SLC30A8: variants seen among roughly 807,000 people sequenced by gnomAD.
The protein encoded by SLC30A8 is solute carrier family 30 member 8, also known as proton-coupled zinc antiporter SLC30A8.
In SLC30A8, 27 loss-of-function variants were observed where a neutral mutation model predicts 36.9. That is an observed-to-expected ratio of 0.73 (90% CI 0.54 to 1.01). The LOEUF (loss-of-function observed/expected upper bound fraction) is 1.01. SLC30A8 is among the 50% of genes least tolerant of loss of function. The pLI is 0.00. For missense variants in SLC30A8, 439 were observed against 452.0 expected, an observed-to-expected ratio of 0.97 and a Z score of 0.26; for synonymous variants, 164 against 172.4, an observed-to-expected ratio of 0.95 and a Z score of 0.38.
intron 1 of SLC30A8, among the ~76,000 whole-genome samples, chr8:117,013,111 A>G (rs889946394): frequency 1.3e-5 from 2 of 152,170 alleles, no homozygotes; most frequent in Admixed American, 1.3e-4. Flanking sequence ...TGAGAATTCA[A>G]TTGTGTGAAG....
chr8:116,999,584 A>G (rs1476596245), intron 1 of SLC30A8, among the ~76,000 whole-genome samples: 1 of 152,230 alleles, frequency 6.6e-6, no homozygotes, highest in Non-Finnish European at 1.5e-5. Context: ...AAGAAAAACC[A>G]ATGGAATCAG....
intron 1 of SLC30A8, among the ~76,000 whole-genome samples, chr8:116,987,900 T>C (rs1005834750): frequency 1.3e-5 from 2 of 152,202 alleles, no homozygotes; most frequent in African/African-American, 4.8e-5. Flanking sequence ...GGTTTTACCA[T>C]GTTGGCCAGG....
intron 1 of SLC30A8, among the ~76,000 whole-genome samples, chr8:116,998,969 AAACT>A (rs1441040311): frequency 6.6e-6 from 1 of 152,216 alleles, no homozygotes; most frequent in Admixed American, 6.5e-5. Context: ...CAGCCCTAAG[AAACT>A]AACATATGGG....
At chr8:117,123,280 A>G (rs941499507) in intron 2 of SLC30A8, among the ~76,000 whole-genome samples, 6 of 151,944 alleles carry the variant, frequency 3.9e-5, no homozygotes, top group African/African-American at 1.4e-4. Context: ...CTAAAGGTCT[A>G]CTCCCTGACC....
intron 2 of SLC30A8, among the ~76,000 whole-genome samples, chr8:117,042,866 G>T (rs1817429743): frequency 6.6e-6 from 1 of 152,114 alleles, no homozygotes; most frequent in Non-Finnish European, 1.5e-5. Context: ...AGTAGAGACG[G>T]GTTTTCACCA....
chr8:116,961,847 C>G (rs947549694), intron 1 of SLC30A8, among the ~76,000 whole-genome samples: 1 of 151,854 alleles, frequency 6.6e-6, no homozygotes, highest in Admixed American at 6.6e-5. Context: ...TCACTGTAGC[C>G]TCAAACTCCT....
chr8:117,022,264 T>TA (rs1159994612), intron 1 of SLC30A8, among the ~76,000 whole-genome samples: 5 of 151,802 alleles, frequency 3.3e-5, no homozygotes, highest in African/African-American at 4.8e-5. Flanking sequence ...TTGAGATGGA[T>TA]AAAATTTTTT....
Position 116,996,794 on chromosome 8 carries a change from A to G in SLC30A8, c.-265-42425A>G, listed in dbSNP as rs1033203800. On this transcript the variant is annotated intron_variant, in intron 1 of 10. Coordinates refer to the SLC30A8 transcript ENST00000427715. ...TTTGAAAGTTTGATGTTTTGCATGT[A>G]TATATGGCTCCTACTCAGTGGTATT... is the stretch of plus-strand genomic sequence containing the variant. Among the ~76,000 whole-genome samples the G allele has an allele frequency of 5.3e-5, 8 of 152,252 alleles. 1 individual carries two copies. The South Asian group carries it at 1.7e-3, about 32-fold the overall frequency.
intron 2 of SLC30A8, among the ~76,000 whole-genome samples, chr8:117,088,258 C>T (rs1440666066): frequency 6.6e-6 from 1 of 152,122 alleles, no homozygotes; most frequent in African/African-American, 2.4e-5. Flanking sequence ...ACATTCCCCT[C>T]TACTATACAA....
rs1258372159 is a variant in SLC30A8 at position 117,064,173 on chromosome 8, G to A, written c.-226+24915G>A. 3.9e-5 allele frequency among the ~76,000 whole-genome samples: 6 copies of A among 152,006 alleles called. No homozygotes were observed. In the East Asian group the frequency reaches 1.2e-3, roughly 29 times the overall value. Reference sequence around the variant, plus strand: ...TGCCTGGCTAATTTTTGTATTTTTAGTAGAGATGAGGATTCACCATGTTGG... The same window carrying A: ...TGCCTGGCTAATTTTTGTATTTTTAATAGAGATGAGGATTCACCATGTTGG... On this transcript the variant is annotated intron_variant, in intron 2 of 10. Coordinates refer to the SLC30A8 transcript ENST00000427715.
rs1232832348 is a variant in SLC30A8 at position 117,111,017 on chromosome 8, T to C, written c.-225-24263T>C. 2.6e-5 allele frequency among the ~76,000 whole-genome samples: 4 copies of C among 152,240 alleles called. No individual in the cohort carries two copies. In the East Asian group the frequency reaches 7.8e-4, roughly 30 times the overall value. On this transcript the variant is annotated intron_variant, in intron 2 of 10. Coordinates refer to the SLC30A8 transcript ENST00000427715. ...CTTAGAATCTGAAATCAAACAGACT[T>C]TTATATCTTGGTTCTTCCATAACTG...
intron 2 of SLC30A8, among the ~76,000 whole-genome samples, chr8:117,053,845 G>A (rs1455312911): frequency 6.6e-6 from 1 of 152,096 alleles, no homozygotes; most frequent in African/African-American, 2.4e-5. Flanking sequence ...CAGCATATTT[G>A]ATCCTTCCTA....
chr8:116,984,130 G>A (rs1815365517), intron 1 of SLC30A8, among the ~76,000 whole-genome samples: 1 of 152,098 alleles, frequency 6.6e-6, no homozygotes, highest in Admixed American at 6.6e-5. Flanking sequence ...ATTGTTGTGT[G>A]CATCACAAAT....
chr8:117,039,380 A>G (rs1218612777), intron 2 of SLC30A8: 1 of 152,152 alleles, frequency 6.6e-6, no homozygotes, highest in Non-Finnish European at 1.5e-5. Context: ...CTTTTCTAAT[A>G]ATATATCTAA....
chr8:117,168,284 C>T (rs1436112831), intron 6 of SLC30A8, among the ~76,000 whole-genome samples: 1 of 152,052 alleles, frequency 6.6e-6, no homozygotes, highest in Admixed American at 6.6e-5. Flanking sequence ...TGAAAGTGCC[C>T]CTTTCCTCAC....
chr8:117,055,175 A>C (rs1817833268), intron 2 of SLC30A8, among the ~76,000 whole-genome samples: 1 of 152,238 alleles, frequency 6.6e-6, no homozygotes, highest in African/African-American at 2.4e-5. Context: ...CAGAAAGTTC[A>C]CAAAGGGGCT....
At chr8:116,983,662 T>A (rs1237074309) in intron 1 of SLC30A8, among the ~76,000 whole-genome samples, 2 of 152,188 alleles carry the variant, frequency 1.3e-5, no homozygotes, top group Non-Finnish European at 2.9e-5. Flanking sequence ...CTTTCTTTTT[T>A]ATGTGTTTCT....
At chr8:117,010,730 CTTCTGCT>C (rs1445321591) in intron 1 of SLC30A8, among the ~76,000 whole-genome samples, 1 of 152,176 alleles carries the variant, frequency 6.6e-6, no homozygotes, top group Non-Finnish European at 1.5e-5. Context: ...AGCATAATGG[CTTCTGCT>C]TCTGGGGAGG....
At chr8:117,139,893 G>A (rs980658367) in intron 1 of SLC30A8, among the ~76,000 whole-genome samples, 6 of 149,650 alleles carry the variant, frequency 4.0e-5, no homozygotes, top group African/African-American at 1.5e-4. Context: ...AAACAGTCCA[G>A]GTGTTGTATT....
Sources: gnomAD v4.1 joint callset for allele counts (sites outside exome capture counted in the v4.1 genomes callset) on GRCh38, gnomAD v4.1.1 for gene constraint, MANE v1.5 for transcripts, NCBI Gene and HGNC (gene_info 2026-07-23, HGNC 2026-07-21) for gene names.